The following LRRTM4 variants were observed in gnomAD, a reference collection of about 807,000 sequenced individuals.
LRRTM4 encodes leucine rich repeat transmembrane neuronal 4.
Under a neutral mutation model 47.6 loss-of-function variants are expected in LRRTM4, and 25 were observed. That is an observed-to-expected ratio of 0.53 (90% CI 0.38 to 0.73). The LOEUF (loss-of-function observed/expected upper bound fraction) is 0.73. Among genes scored for constraint, LRRTM4 ranks in the 30% least tolerant of loss-of-function variants. The pLI, the probability that LRRTM4 is intolerant of heterozygous loss-of-function variation, is 0.00. For missense variants in LRRTM4, 638 were observed against 713.4 expected, an observed-to-expected ratio of 0.89 and a Z score of 1.20; for synonymous variants, 311 against 269.5, an observed-to-expected ratio of 1.15 and a Z score of -1.51.
At chr2:77,177,532 T>G (rs567204375) in intron 3 of LRRTM4, among the ~76,000 whole-genome samples, 1 of 152,274 alleles carries the variant, frequency 6.6e-6, no homozygotes, top group African/African-American at 2.4e-5. Context: ...CTCTTAAAAG[T>G]TACCAAGGTG....
At chr2:76,893,881 A>T (rs930251423) in intron 3 of LRRTM4, among the ~76,000 whole-genome samples, 1 of 151,898 alleles carries the variant, frequency 6.6e-6, no homozygotes, top group Non-Finnish European at 1.5e-5. Context: ...TTATTTGTAC[A>T]TGTCTCATAT....
intron 3 of LRRTM4, among the ~76,000 whole-genome samples, chr2:77,035,695 G>T (rs1170771141): frequency 2.0e-5 from 3 of 151,694 alleles, no homozygotes; most frequent in African/African-American, 7.3e-5. Context: ...GGACATCTAG[G>T]CTGTTGCATG....
intron 3 of LRRTM4, among the ~76,000 whole-genome samples, chr2:77,068,752 A>C (rs1391783125): frequency 6.6e-6 from 1 of 152,194 alleles, no homozygotes; most frequent in Non-Finnish European, 1.5e-5. Context: ...GGCCCCCCAA[A>C]ATCTGGCCAT....
chr2:76,831,056 T>C (rs1374585043), intron 3 of LRRTM4, among the ~76,000 whole-genome samples: 3 of 152,140 alleles, frequency 2.0e-5, no homozygotes, highest in Non-Finnish European at 2.9e-5. Flanking sequence ...ACAAAGTTAA[T>C]GATGATTTAC....
Position 77,255,257 on chromosome 2 carries a change from T to C in LRRTM4, c.1551+263061A>G, listed in dbSNP as rs77791512. The stretch of plus-strand genomic sequence containing the variant: ...TAAATATGCATTCACCAAAGAGAGA[T>C]ACAAAATATGTGAAGCAAAAACTGA... On this transcript the variant is annotated intron_variant, in intron 3 of 3. Coordinates refer to ENST00000409884, the MANE Select transcript of LRRTM4 (RefSeq NM_001134745.3). Among the ~76,000 whole-genome samples the C allele has an allele frequency of 2.8e-3, 427 of 152,020 alleles. 3 individuals are homozygous for C. The highest frequency in any genetic ancestry group is 9.9e-3 in the African/African-American group (412 of 41,536).
At chr2:77,154,996 C>G (rs1218647306) in intron 3 of LRRTM4, among the ~76,000 whole-genome samples, 1 of 152,052 alleles carries the variant, frequency 6.6e-6, no homozygotes, top group Non-Finnish European at 1.5e-5. Flanking sequence ...TACTAACTGT[C>G]AATTTTAGTA....
At chr2:77,184,836 TA>T (rs1311421421) in intron 3 of LRRTM4, among the ~76,000 whole-genome samples, 7 of 152,196 alleles carry the variant, frequency 4.6e-5, no homozygotes, top group Non-Finnish European at 5.9e-5. Context: ...GATACTCTGG[TA>T]TCTTTTTTAC....
At chr2:77,262,948 T>C (rs1675958241) in intron 3 of LRRTM4, among the ~76,000 whole-genome samples, 1 of 152,048 alleles carries the variant, frequency 6.6e-6, no homozygotes. Context: ...GAAGTAGCTT[T>C]TGAAAAACCC....
intron 3 of LRRTM4, among the ~76,000 whole-genome samples, chr2:77,113,952 G>A (rs866448585): frequency 6.6e-6 from 1 of 152,032 alleles, no homozygotes; most frequent in Non-Finnish European, 1.5e-5. Flanking sequence ...CGGCTCTTCG[G>A]GAAATAAAAT....
At position 77,144,095 on chromosome 2, in the gene LRRTM4, A is replaced by G. The variant is rs11898184; in HGVS notation, c.1551+374223T>C. On this transcript the variant is annotated intron_variant, in intron 3 of 3. Transcript: ENST00000409884. ...GAAGTTGAGCTGTGATGAAGGCCCA[A>G]TTATGACTTTAGCCAACCCAGTGGG... Among the ~76,000 whole-genome samples, 1,074 of 152,240 alleles carry G rather than the reference A, an allele frequency of 7.1e-3. 10 individuals carry two copies. Among genetic ancestry groups the G allele is most frequent in the African/African-American group, 0.025 (1,032 of 41,534 alleles).
chr2:77,128,395 C>CAGATAGAT (rs59399563), intron 3 of LRRTM4, among the ~76,000 whole-genome samples: 36,004 of 150,412 alleles, frequency 0.24, 4,525 homozygotes, highest in Admixed American at 0.29. Flanking sequence ...AATTCTGTAA[C>CAGATAGAT]AGATAGATAG....
At chr2:76,954,411 T>G (rs1158240893) in intron 3 of LRRTM4, among the ~76,000 whole-genome samples, 1 of 151,348 alleles carries the variant, frequency 6.6e-6, no homozygotes, top group African/African-American at 2.4e-5. Flanking sequence ...AATGACCGAA[T>G]TGAAAAATTC....
chr2:77,024,559 A>G (rs536472634), intron 3 of LRRTM4, among the ~76,000 whole-genome samples: 1 of 150,992 alleles, frequency 6.6e-6, no homozygotes, highest in African/African-American at 2.5e-5. Context: ...AAAGGGAAAA[A>G]TCACATTTTT....
intron 3 of LRRTM4, among the ~76,000 whole-genome samples, chr2:76,831,424 T>C (rs974612326): frequency 2.0e-5 from 3 of 152,150 alleles, no homozygotes; most frequent in Non-Finnish European, 2.9e-5. Flanking sequence ...CCACCTGGTA[T>C]TGCTTTGGTT....
chr2:77,209,992 T>C lies in LRRTM4; in HGVS notation c.1551+308326A>G, dbSNP rs530475871. On this transcript the variant is annotated intron_variant, in intron 3 of 3. Coordinates refer to ENST00000409884, the MANE Select transcript of LRRTM4 (RefSeq NM_001134745.3). ...CCAACACAGAATACAATTATAAAGC[T>C]CTCTGCCTAGATTTACTGAGCATTA... Among the ~76,000 whole-genome samples, 4 of 152,296 alleles carry C rather than the reference T, an allele frequency of 2.6e-5. No individual in the cohort carries two copies. In the South Asian group the frequency reaches 8.3e-4, roughly 32 times the overall value.
intron 3 of LRRTM4, among the ~76,000 whole-genome samples, chr2:77,358,732 CT>C (rs1420341166): frequency 3.3e-5 from 5 of 152,132 alleles, no homozygotes; most frequent in Non-Finnish European, 5.9e-5. Flanking sequence ...TCCCCATTAC[CT>C]TATGGCTTCG....
intron 3 of LRRTM4, among the ~76,000 whole-genome samples, chr2:77,226,992 T>C (rs1168194138): frequency 1.3e-5 from 2 of 151,958 alleles, no homozygotes; most frequent in East Asian, 1.9e-4. Flanking sequence ...CTCTACTAGA[T>C]GGAAAGTTAA....
At chr2:77,366,932 G>A (rs143567043) in intron 3 of LRRTM4, among the ~76,000 whole-genome samples, 4 of 151,624 alleles carry the variant, frequency 2.6e-5, no homozygotes, top group Non-Finnish European at 4.4e-5. Context: ...TCACAAATAC[G>A]TCTTTCTACT....
chr2:77,289,033 A>G (rs908710384), intron 3 of LRRTM4, among the ~76,000 whole-genome samples: 1 of 152,214 alleles, frequency 6.6e-6, no homozygotes, highest in African/African-American at 2.4e-5. Context: ...ATATATAAAT[A>G]CACTTATAAT....
Sources: gnomAD v4.1 joint callset for allele counts (sites outside exome capture counted in the v4.1 genomes callset) on GRCh38, gnomAD v4.1.1 for gene constraint, MANE v1.5 for transcripts, NCBI Gene and HGNC (gene_info 2026-07-23, HGNC 2026-07-21) for gene names.